FARP2: variants seen among roughly 807,000 people sequenced by gnomAD.
FARP2 encodes FERM, ARHGEF and pleckstrin domain-containing protein 2.
In FARP2, 111 loss-of-function variants were observed where a neutral mutation model predicts 130.5. The ratio of observed to expected loss-of-function variants is 0.85; its 90% CI spans 0.73 to 1.00. The LOEUF (loss-of-function observed/expected upper bound fraction) is 1.00. Among genes scored for constraint, FARP2 ranks in the 50% least tolerant of loss-of-function variants. The pLI, the probability that FARP2 is intolerant of heterozygous loss-of-function variation, is 0.00. For synonymous variants in FARP2, 504 were observed against 516.9 expected, an observed-to-expected ratio of 0.98 and a Z score of 0.34; for missense variants, 1,385 against 1,346.3, an observed-to-expected ratio of 1.03 and a Z score of -0.45.
At chr2:241,471,659 A>C (rs1385915579) in intron 18 of FARP2, among the ~76,000 whole-genome samples, 1 of 151,102 alleles carries the variant, frequency 6.6e-6, no homozygotes. Context: ...ACGCCTGTCT[A>C]ATTTTTTTTG....
intron 8 of FARP2, among the ~76,000 whole-genome samples, chr2:241,426,047 A>G (rs533389338): frequency 1.8e-4 from 27 of 152,244 alleles, no homozygotes; most frequent in African/African-American, 5.3e-4. Flanking sequence ...AAATTTAACT[A>G]CTACTCTCCC....
At position 241,463,946 on chromosome 2, in the gene FARP2, G is replaced by T. The variant is rs769405235; in HGVS notation, c.1859G>T (p.Gly620Val). 24 of 1,614,000 alleles carry T rather than the reference G, an allele frequency of 1.5e-5. No homozygotes were observed. The highest frequency in any genetic ancestry group is 3.3e-5 in the Admixed American group (2 of 60,004). The stretch of plus-strand genomic sequence containing the variant: ...ACAAAAGGCAGTCATCAACGAATCG[G>T]GGACATCCTGCTCAGGAACATGCGC... The part of the protein sequence containing the change: ...AHTKGSHQRI[G>V]DILLRNMRQL... The change falls in exon 17 of 27, where the codon GGG becomes GTG. Residue 620 changes from glycine to valine, a missense_variant. Gly to Val is a moderately radical substitution (Grantham distance 109, BLOSUM62 -3). Coordinates refer to ENST00000264042, the MANE Select transcript of FARP2 (RefSeq NM_014808.4).
intron 21 of FARP2, chr2:241,489,726 C>T (rs931162034): frequency 2.4e-6 from 1 of 416,246 alleles, no homozygotes; most frequent in Non-Finnish European, 4.3e-6. Flanking sequence ...AGTGCTGGAC[C>T]CCCCGGTGAG....
chr2:241,391,074 A>G (rs1485472403), intron 2 of FARP2, among the ~76,000 whole-genome samples: 1 of 152,196 alleles, frequency 6.6e-6, no homozygotes, highest in Non-Finnish European at 1.5e-5. Context: ...GTGAGTTTTC[A>G]CAAGTACGCA....
intron 17 of FARP2, chr2:241,465,989 C>G (rs2064158720): frequency 1.4e-6 from 2 of 1,385,822 alleles, no homozygotes; most frequent in Admixed American, 3.0e-5. Flanking sequence ...GGCAGTTGCA[C>G]TAATTTAAAA....
At chr2:241,470,050 C>T (rs997805153) in intron 18 of FARP2, among the ~76,000 whole-genome samples, 2 of 152,232 alleles carry the variant, frequency 1.3e-5, no homozygotes, top group African/African-American at 4.8e-5. Context: ...GGCTCCTTTC[C>T]CTCCATGACC....
chr2:241,470,002 GC>G (rs577145297), intron 18 of FARP2, among the ~76,000 whole-genome samples: 3 of 152,312 alleles, frequency 2.0e-5, no homozygotes, highest in African/African-American at 7.2e-5. Flanking sequence ...CGCAGTGAGA[GC>G]CCAGTCGATG....
intron 4 of FARP2, among the ~76,000 whole-genome samples, 162 bp downstream of exon 4, chr2:241,405,003 T>A (rs1167879956): frequency 6.6e-6 from 1 of 152,232 alleles, no homozygotes; most frequent in Non-Finnish European, 1.5e-5. Flanking sequence ...CTGTTTAGTT[T>A]TAGTAATTTT....
At chr2:241,468,766 T>G (rs1028166413) in intron 18 of FARP2, among the ~76,000 whole-genome samples, 1 of 152,248 alleles carries the variant, frequency 6.6e-6, no homozygotes, top group Admixed American at 6.5e-5. Context: ...ACCTGCTGCC[T>G]ATGGATGTTT....
rs1325748820 is a variant in FARP2, at chr2:241,482,275, G to C, written c.2263-1190G>C. ...AGCCTCACAGCTGGCAGCGGGGCCA[G>C]TGCATGGTGGAGAAGGCGCCCCGTG... is the stretch of plus-strand genomic sequence containing the variant. On this transcript the variant is annotated intron_variant, in intron 19 of 26. Transcript: ENST00000264042. The surrounding 1 kb of genome is among the most constrained non-coding windows in gnomAD (Gnocchi z 4.6). 1.3e-5 allele frequency among the ~76,000 whole-genome samples: 2 copies of C among 152,234 alleles called. No homozygotes were observed. The highest frequency in any genetic ancestry group is 4.8e-5 in the African/African-American group (2 of 41,462).
intron 2 of FARP2, chr2:241,395,980 T>G (rs949912163): frequency 6.6e-6 from 1 of 152,198 alleles, no homozygotes; most frequent in Non-Finnish European, 1.5e-5. Flanking sequence ...AAATTATCTA[T>G]TTTTATGTTT....
intron 13 of FARP2, among the ~76,000 whole-genome samples, chr2:241,453,427 C>A (rs568909323): frequency 1.3e-5 from 2 of 151,868 alleles, no homozygotes; most frequent in African/African-American, 2.4e-5. Context: ...TCGAGACCAT[C>A]CTGGCTAACA....
intron 2 of FARP2, among the ~76,000 whole-genome samples, chr2:241,398,366 T>C (rs2062081408): frequency 6.6e-6 from 1 of 152,208 alleles, no homozygotes; most frequent in Non-Finnish European, 1.5e-5. Flanking sequence ...CATTTAAGTA[T>C]GTATATATTT....
chr2:241,388,827 CA>C (rs1433762354), intron 2 of FARP2, among the ~76,000 whole-genome samples: 1 of 151,748 alleles, frequency 6.6e-6, no homozygotes, highest in East Asian at 1.9e-4. Flanking sequence ...GATCCTGTCC[CA>C]AAAAAATATC....
intron 13 of FARP2, 22 bp from the exon 14 acceptor site, chr2:241,456,725 C>T (rs373249342): frequency 4.7e-5 from 76 of 1,613,302 alleles, no homozygotes; most frequent in Non-Finnish European, 6.0e-5. Flanking sequence ...CTCGCTCCAT[C>T]CCCCTCCCCG....
At position 241,441,412 on chromosome 2, in the gene FARP2, A is replaced by G. The variant is rs779523986; in HGVS notation, c.1267A>G (p.Lys423Glu). Reference sequence around the variant, plus strand: ...GGTCCCCTCTGGCCTGCCAGAGTTTAAGGACAGCAGCAGCTCCCTCACAGA... The same window carrying G: ...GGTCCCCTCTGGCCTGCCAGAGTTTGAGGACAGCAGCAGCTCCCTCACAGA... Reference protein sequence around the residue: ...TLVPSGLPEFKDSSSSLTDPQ... With the variant: ...TLVPSGLPEFEDSSSSLTDPQ... Residue 423 changes from lysine to glutamate, a missense_variant, in exon 13 of 27, where the codon AAG (lysine) becomes GAG (glutamate). Coordinates refer to ENST00000264042, the MANE Select transcript of FARP2 (RefSeq NM_014808.4). 3 of 1,614,052 alleles carry G rather than the reference A, an allele frequency of 1.9e-6. No homozygotes were observed. Among genetic ancestry groups the G allele is most frequent in the African/African-American group, 2.7e-5 (2 of 74,920 alleles).
At chr2:241,440,793 A>G (rs1266763710) in intron 12 of FARP2, among the ~76,000 whole-genome samples, 9 of 152,284 alleles carry the variant, frequency 5.9e-5, no homozygotes, top group Middle Eastern at 3.4e-3. Context: ...CAACAAAACT[A>G]TGAATCTCCT....
rs371604829 is a variant in FARP2 at position 241,373,074 on chromosome 2, T to C, written c.-24-10T>C. The C allele has an allele frequency of 3.0e-6, 4 of 1,311,996 alleles. No individual in the cohort carries two copies. The African/African-American group carries it at 4.5e-5, about 15-fold the overall frequency. The allele number at this position is 1,311,996 out of a possible 1,614,324, so 81.3% of individuals were successfully genotyped here. On this transcript the variant is annotated splice_polypyrimidine_tract_variant and intron_variant, in intron 1 of 26. Transcript: ENST00000264042. ...ATTCCTTCATGTGGTTTTTTTTTTT[T>C]TCATTTTAGTGTTTTCTTCACTCAT...
intron 25 of FARP2, 105 bp downstream of exon 25, chr2:241,493,141 T>C: frequency 8.7e-7 from 1 of 1,145,762 alleles, no homozygotes; most frequent in East Asian, 2.4e-5. Context: ...CTCCCATGCT[T>C]TGCCCACACA....
Sources: gnomAD v4.1 joint callset for allele counts (sites outside exome capture counted in the v4.1 genomes callset) on GRCh38, gnomAD v4.1.1 for gene constraint, Gnocchi (gnomAD v3.1) non-coding constraint, MANE v1.5 for transcripts, NCBI Gene and HGNC (gene_info 2026-07-23, HGNC 2026-07-21) for gene names.